The following AADACL4 variants were observed in gnomAD, a reference collection of about 807,000 sequenced individuals.
AADACL4 encodes the protein arylacetamide deacetylase like 4, also known as arylacetamide deacetylase-like 4.
A neutral mutation model predicts 14.1 loss-of-function variants in AADACL4; 9 were observed. The ratio of observed to expected loss-of-function variants is 0.64; its 90% CI spans 0.39 to 1.12. The LOEUF is 1.12. Among genes scored for constraint, AADACL4 ranks in the 50% most tolerant of loss-of-function variants. AADACL4 has a pLI of 0.01. For missense variants in AADACL4, 531 were observed against 516.1 expected, an observed-to-expected ratio of 1.03 and a Z score of -0.28; for synonymous variants, 188 against 201.6, an observed-to-expected ratio of 0.93 and a Z score of 0.57.
chr1:12,665,713 A>C (rs1647308108), intron 3 of AADACL4, among the ~76,000 whole-genome samples: 1 of 152,184 alleles, frequency 6.6e-6, no homozygotes, highest in Non-Finnish European at 1.5e-5. Flanking sequence ...AAGTTGCATC[A>C]CCTCGTATAG....
chr1:12,661,257 C>T (rs987460831), intron 2 of AADACL4, among the ~76,000 whole-genome samples: 3 of 152,130 alleles, frequency 2.0e-5, no homozygotes, highest in Non-Finnish European at 4.4e-5. Flanking sequence ...TCCCTGGTAC[C>T]TCTATGTATG....
chr1:12,655,164 T>C (rs943147550), intron 2 of AADACL4, among the ~76,000 whole-genome samples: 2 of 152,192 alleles, frequency 1.3e-5, no homozygotes, highest in African/African-American at 4.8e-5. Flanking sequence ...CTATACTATA[T>C]ATATGGTCCT....
chr1:12,666,060 C>T lies in AADACL4; in HGVS notation c.549C>T (p.Asp183=), dbSNP rs1232392173. The T allele has an allele frequency of 6.2e-7, 1 of 1,614,220 alleles. No homozygotes were observed. Among genetic ancestry groups the T allele is most frequent in the African/African-American group, 1.3e-5 (1 of 75,058 alleles). The stretch of plus-strand genomic sequence containing the variant: ...AGGCCCTGGAAACCTATGGGGTGGA[C>T]CCCTCCAGGGTTGTGGTCTGTGGAG... ...FLKALETYGV[D]PSRVVVCGES... Residue 183 remains aspartate, a synonymous_variant, in exon 4 of 4, where the codon GAC becomes GAT. Transcript: ENST00000376221.
rs1398748212 is a variant in AADACL4 at position 12,651,314 on chromosome 1, A to C, written c.360A>C (p.Gly120=). The part of the protein sequence containing the change: ...RPRRGIIFYH[G]GATVFGSLDC... ...GGCGAGGCATCATCTTCTACCATGG[A>C]GGGGCCACAGTATTTGGGAGCCTGG... The change falls in exon 2 of 4, where the codon GGA becomes GGC. Residue 120 remains glycine (G), a synonymous_variant. Coordinates refer to ENST00000376221, the MANE Select transcript of AADACL4 (RefSeq NM_001013630.2). 1.1e-5 allele frequency: 18 copies of C among 1,614,144 alleles called. No homozygotes were observed. The highest frequency in any genetic ancestry group is 1.5e-5 in the Non-Finnish European group (18 of 1,180,030).
intron 3 of AADACL4, among the ~76,000 whole-genome samples, chr1:12,665,471 C>G (rs1428408620): frequency 6.6e-6 from 1 of 152,176 alleles, no homozygotes; most frequent in African/African-American, 2.4e-5. Flanking sequence ...GTGATCCACC[C>G]GCCTTGGCCT....
At chr1:12,664,649 C>T (rs1371224236) in intron 3 of AADACL4, among the ~76,000 whole-genome samples, 6 of 152,152 alleles carry the variant, frequency 3.9e-5, no homozygotes, top group East Asian at 1.9e-4. Context: ...CGTAAGCCAC[C>T]GCCCGGCCTT....
chr1:12,658,131 CCTTCCTTCCTTT>C lies in AADACL4; in HGVS notation c.386-3656_386-3645del, dbSNP rs1163450516. Among the ~76,000 whole-genome samples the C allele has an allele frequency of 4.9e-3, 593 of 119,988 alleles. 6 individuals are homozygous for C. Among genetic ancestry groups the C allele is most frequent in the Admixed American group, 7.2e-3 (90 of 12,532 alleles). The allele number at this position is 119,988 out of a possible 152,430, so 78.7% of individuals were successfully genotyped here. On this transcript the variant is annotated intron_variant, in intron 2 of 3. Transcript: ENST00000376221. ...TCTTTCCTTCCTTCCTTCCTTCCTT[CCTTCCTTCCTTT>C]CTTTCTTTCTTTCTTTCTTTCTTTT...
chr1:12,651,208 C>G lies in AADACL4; in HGVS notation c.254C>G (p.Pro85Arg). The G allele has an allele frequency of 1.2e-6, 2 of 1,614,234 alleles. No homozygotes were observed. The highest frequency in any genetic ancestry group is 1.7e-6 in the Non-Finnish European group (2 of 1,180,050). The change falls in exon 2 of 4, where the codon CCT (proline) becomes CGT (arginine). Residue 85 changes from proline to arginine, a missense_variant. Pro to Arg is a moderately radical substitution (Grantham distance 103, BLOSUM62 -2). Coordinates refer to ENST00000376221, the MANE Select transcript of AADACL4 (RefSeq NM_001013630.2). ...LHDSVRIKKD[P>R]ELVVTDLRFG... Reference sequence around the variant, plus strand: ...GATAGCGTGAGAATTAAAAAGGACCCTGAACTTGTGGTGACCGACCTGCGT... The same window carrying G: ...GATAGCGTGAGAATTAAAAAGGACCGTGAACTTGTGGTGACCGACCTGCGT...
At chr1:12,648,197 C>A (rs1647123196) in intron 1 of AADACL4, among the ~76,000 whole-genome samples, 1 of 150,754 alleles carries the variant, frequency 6.6e-6, no homozygotes, top group Non-Finnish European at 1.5e-5. Context: ...GTCTTGATCT[C>A]CTGACCTTGT....
intron 2 of AADACL4, among the ~76,000 whole-genome samples, chr1:12,658,099 CT>C (rs1647194667): frequency 0.011 from 1,434 of 127,782 alleles, 24 homozygotes; most frequent in Non-Finnish European, 0.014. Context: ...CTCTTTCTTT[CT>C]CTCTTTCTTT....
intron 2 of AADACL4, among the ~76,000 whole-genome samples, chr1:12,659,818 GTATT>G (rs1266660078): frequency 6.6e-6 from 1 of 151,170 alleles, no homozygotes; most frequent in Non-Finnish European, 1.5e-5. Context: ...AATTATTTAT[GTATT>G]TGTTTGTTTA....
At chr1:12,659,647 A>G (rs1245755473) in intron 2 of AADACL4, among the ~76,000 whole-genome samples, 2 of 151,250 alleles carry the variant, frequency 1.3e-5, no homozygotes, top group East Asian at 3.8e-4. Context: ...GTTTATATAC[A>G]TATATATATT....
At chr1:12,665,784 T>C (rs1041928551) in intron 3 of AADACL4, among the ~76,000 whole-genome samples, 177 bp from the exon 4 acceptor site, 10 of 152,216 alleles carry the variant, frequency 6.6e-5, no homozygotes, top group Admixed American at 5.9e-4. Context: ...TGTATGACTC[T>C]AGGCAGGTTC....
At chr1:12,645,097 C>T (rs1046180123) in intron 1 of AADACL4, among the ~76,000 whole-genome samples, 3 of 145,664 alleles carry the variant, frequency 2.1e-5, no homozygotes, top group Non-Finnish European at 1.5e-5. Context: ...TCCTTTCCTT[C>T]CTTTTTCCTT....
chr1:12,644,881 C>G (rs958152574), intron 1 of AADACL4, among the ~76,000 whole-genome samples, 167 bp downstream of exon 1: 3 of 151,890 alleles, frequency 2.0e-5, no homozygotes, highest in African/African-American at 7.3e-5. Context: ...TCTCTCTTCC[C>G]TCCCTCCGTT....
In AADACL4 at chr1:12,644,428, C is replaced by A; in HGVS notation, c.-119C>A. 8.4e-7 allele frequency: 1 copy of A among 1,192,546 alleles called. No individual in the cohort carries two copies. The highest frequency in any genetic ancestry group is 1.2e-6 in the Non-Finnish European group (1 of 854,034). The allele number at this position is 1,192,546 out of a possible 1,614,324, so 73.9% of individuals were successfully genotyped here. On this transcript the variant is annotated 5_prime_UTR_variant, in exon 1 of 4. Transcript: ENST00000376221. ...TGTGTCAGGCCACTGTGTCAGGTGT[C>A]AGGCTTAGCCCAGAGAGAGTGAGGT...
rs777601178 is a variant in AADACL4, at chr1:12,651,355, G to C, written c.385+16G>C. On this transcript the variant is annotated intron_variant, in intron 2 of 3. Coordinates refer to ENST00000376221, the MANE Select transcript of AADACL4 (RefSeq NM_001013630.2). Reference sequence around the variant, plus strand: ...GGGAGCCTGGGTAAGGGGCTTCCCTGTGGCTTTGTAGAGGAAGGGCCTCAT... The same window carrying C: ...GGGAGCCTGGGTAAGGGGCTTCCCTCTGGCTTTGTAGAGGAAGGGCCTCAT... 6.2e-7 allele frequency: 1 copy of C among 1,613,328 alleles called. No individual in the cohort carries two copies. Among genetic ancestry groups the C allele is most frequent in the South Asian group, 1.1e-5 (1 of 91,022 alleles).
Position 12,666,147 on chromosome 1 carries a change from T to G in AADACL4, c.636T>G (p.Leu212=). The part of the protein sequence containing the change: ...ITQALVGRSD[L]PRIRAQVLIY... ...AGGCCTTGGTGGGCAGATCAGATCT[T>G]CCCCGGATCCGGGCTCAGGTTCTGA... Residue 212 remains leucine, a synonymous_variant, in exon 4 of 4, where the codon CTT becomes CTG. Coordinates refer to ENST00000376221, the MANE Select transcript of AADACL4 (RefSeq NM_001013630.2). 4 of 1,614,190 alleles carry G rather than the reference T, an allele frequency of 2.5e-6. No homozygotes were observed. The highest frequency in any genetic ancestry group is 3.4e-6 in the Non-Finnish European group (4 of 1,180,034).
chr1:12,645,033 C>T (rs1647101680), intron 1 of AADACL4, among the ~76,000 whole-genome samples: 1 of 146,302 alleles, frequency 6.8e-6, no homozygotes, highest in Non-Finnish European at 1.5e-5. Flanking sequence ...TCTCTCCCTT[C>T]CTCCCTATCT....
Sources: gnomAD v4.1 joint callset for allele counts (sites outside exome capture counted in the v4.1 genomes callset) on GRCh38, gnomAD v4.1.1 for gene constraint, MANE v1.5 for transcripts, NCBI Gene and HGNC (gene_info 2026-07-23, HGNC 2026-07-21) for gene names.